MSRA: variants seen among roughly 807,000 people sequenced by gnomAD.
MSRA encodes the protein methionine sulfoxide reductase A, also known as mitochondrial peptide methionine sulfoxide reductase.
In MSRA, 54 loss-of-function variants were observed where a neutral mutation model predicts 31.3. The ratio of observed to expected loss-of-function variants is 1.73; its 90% CI spans 1.39 to 2.17. MSRA has a LOEUF of 2.17. Among genes scored for constraint, MSRA ranks in the 30% most tolerant of loss-of-function variants. MSRA has a pLI of 0.00. For missense variants in MSRA, 507 were observed against 300.9 expected, an observed-to-expected ratio of 1.69 and a Z score of -5.07; for synonymous variants, 169 against 116.5, an observed-to-expected ratio of 1.45 and a Z score of -2.90.
At chr8:10,332,176 G>T (rs1388512646) in intron 5 of MSRA, among the ~76,000 whole-genome samples, 3 of 152,156 alleles carry the variant, frequency 2.0e-5, no homozygotes, top group East Asian at 1.9e-4. Context: ...TTCTCGGTCT[G>T]TTGTATTCTC....
At chr8:10,372,393 T>C (rs1805528892) in intron 5 of MSRA, among the ~76,000 whole-genome samples, 1 of 152,256 alleles carries the variant, frequency 6.6e-6, no homozygotes, top group Admixed American at 6.5e-5. Flanking sequence ...TCCTTCTGCA[T>C]GTGAAGCGTA....
intron 1 of MSRA, among the ~76,000 whole-genome samples, chr8:10,144,985 T>G (rs1212427507): frequency 6.7e-6 from 1 of 148,550 alleles, no homozygotes; most frequent in Non-Finnish European, 1.5e-5. Flanking sequence ...TGTAGGAGTC[T>G]CCTTTCCCCT....
intron 1 of MSRA, among the ~76,000 whole-genome samples, chr8:10,110,751 G>A (rs1188302153): frequency 1.3e-5 from 2 of 152,168 alleles, no homozygotes; most frequent in Non-Finnish European, 2.9e-5. Context: ...TTGAGTTGTG[G>A]TGCTGCGATC....
At chr8:10,427,561 C>G (rs1017828829) in intron 5 of MSRA, among the ~76,000 whole-genome samples, 2 of 152,310 alleles carry the variant, frequency 1.3e-5, no homozygotes, top group South Asian at 2.1e-4. Flanking sequence ...GACGTGCCAG[C>G]AGGGTCCTTC....
At chr8:10,074,088 T>A (rs1206480296) in intron 1 of MSRA, among the ~76,000 whole-genome samples, 26 of 118,684 alleles carry the variant, frequency 2.2e-4, no homozygotes, top group African/African-American at 8.6e-4. Context: ...TTTTTTTTTT[T>A]TTTTTTTTTT....
intron 4 of MSRA, among the ~76,000 whole-genome samples, chr8:10,308,920 A>G (rs905560788): frequency 6.6e-6 from 1 of 152,244 alleles, no homozygotes; most frequent in Non-Finnish European, 1.5e-5. Context: ...AATTAGGATT[A>G]TAAAACATCT....
At chr8:10,211,032 G>A (rs1388226374) in intron 2 of MSRA, among the ~76,000 whole-genome samples, 1 of 151,984 alleles carries the variant, frequency 6.6e-6, no homozygotes, top group South Asian at 2.1e-4. Context: ...CATCGCACCC[G>A]GCCACAATGT....
intron 1 of MSRA, among the ~76,000 whole-genome samples, chr8:10,163,591 G>A (rs573632936): frequency 4.9e-4 from 74 of 152,348 alleles, no homozygotes; most frequent in African/African-American, 1.7e-3. Flanking sequence ...GTCAGATAAA[G>A]CCAGCACATG....
intron 1 of MSRA, among the ~76,000 whole-genome samples, chr8:10,158,083 T>A (rs998103366): frequency 4.6e-5 from 7 of 152,208 alleles, no homozygotes; most frequent in African/African-American, 1.7e-4. Flanking sequence ...GATGGCACCT[T>A]CTTACGGTGT....
intron 3 of MSRA, among the ~76,000 whole-genome samples, chr8:10,264,600 G>C (rs1798649864): frequency 6.6e-6 from 1 of 152,202 alleles, no homozygotes; most frequent in Non-Finnish European, 1.5e-5. Context: ...GAAGGGCTGA[G>C]CTGCTTGGAG....
chr8:10,193,143 T>G (rs1243513321), intron 1 of MSRA, among the ~76,000 whole-genome samples: 1 of 152,208 alleles, frequency 6.6e-6, no homozygotes, highest in Non-Finnish European at 1.5e-5. Flanking sequence ...TGCTGAAGTC[T>G]TCTTATAGCT....
At chr8:10,262,157 T>G (rs551601648) in intron 3 of MSRA, among the ~76,000 whole-genome samples, 19 of 152,334 alleles carry the variant, frequency 1.2e-4, no homozygotes, top group Non-Finnish European at 2.1e-4. Flanking sequence ...TTCCAGTTTT[T>G]GGCAATTATG....
intron 3 of MSRA, among the ~76,000 whole-genome samples, chr8:10,247,804 G>T (rs1379961334): frequency 6.6e-6 from 1 of 152,080 alleles, no homozygotes; most frequent in African/African-American, 2.4e-5. Flanking sequence ...GATCATAAAA[G>T]GGAAAAACAA....
intron 3 of MSRA, among the ~76,000 whole-genome samples, chr8:10,298,773 T>C (rs1800680595): frequency 6.6e-6 from 1 of 152,236 alleles, no homozygotes; most frequent in African/African-American, 2.4e-5. Context: ...CTTCATCTTA[T>C]GAGTATACCA....
intron 3 of MSRA, among the ~76,000 whole-genome samples, chr8:10,272,047 C>G (rs1283462355): frequency 2.0e-5 from 3 of 152,196 alleles, no homozygotes; most frequent in Admixed American, 6.5e-5. Flanking sequence ...TAGCCCCTTT[C>G]TTTCTTCAGT....
chr8:10,101,002 C>T (rs970729896), intron 1 of MSRA, among the ~76,000 whole-genome samples: 1 of 152,190 alleles, frequency 6.6e-6, no homozygotes, highest in Admixed American at 6.5e-5. Flanking sequence ...TATTGTACCT[C>T]ATCTGAAAAG....
chr8:10,221,436 G>GTATATATATA (rs201045996), intron 2 of MSRA, among the ~76,000 whole-genome samples: 65 of 138,870 alleles, frequency 4.7e-4, no homozygotes, highest in Middle Eastern at 7.4e-3. Flanking sequence ...GTATATATGT[G>GTATATATATA]TATATATACA....
chr8:10,353,517 T>C (rs1804322843), intron 5 of MSRA: 2 of 436,928 alleles, frequency 4.6e-6, no homozygotes, highest in Non-Finnish European at 9.2e-6. Context: ...GTGTTAGCAG[T>C]TGGTCCCCTG....
At chr8:10,202,171 C>T (rs891644805) in intron 1 of MSRA, among the ~76,000 whole-genome samples, 3 of 152,216 alleles carry the variant, frequency 2.0e-5, no homozygotes, top group Non-Finnish European at 4.4e-5. Context: ...CCCACCCTTC[C>T]CCCATATCTT....
Sources: allele counts gnomAD v4.1 joint callset (sites outside exome capture counted in the v4.1 genomes callset), GRCh38; gene constraint gnomAD v4.1.1; transcripts MANE v1.5; gene names NCBI Gene and HGNC (gene_info 2026-07-23, HGNC 2026-07-21).